PRKCB: variants seen among roughly 807,000 people sequenced by gnomAD.
PRKCB encodes protein kinase C beta.
PRKCB carries 13 observed loss-of-function variants against 81.5 expected under a neutral mutation model. That is an observed-to-expected ratio of 0.16 (90% CI 0.10 to 0.25). PRKCB has a LOEUF of 0.25. Ranked by LOEUF, PRKCB falls within the 10% of genes least tolerant of loss-of-function variation. The probability of loss-of-function intolerance (pLI) is 1.00; values close to 1 mark genes in which losing one functional copy is unlikely to be tolerated. For synonymous variants in PRKCB, 335 were observed against 321.4 expected, an observed-to-expected ratio of 1.04 and a Z score of -0.45; for missense variants, 509 against 875.7, an observed-to-expected ratio of 0.58 and a Z score of 5.29.
intron 3 of PRKCB, among the ~76,000 whole-genome samples, chr16:23,993,332 G>A (rs1436179814): frequency 2.0e-5 from 3 of 152,128 alleles, no homozygotes; most frequent in Non-Finnish European, 2.9e-5. Flanking sequence ...CCAGCTTAAG[G>A]AGTTAGGAAG....
intron 2 of PRKCB, among the ~76,000 whole-genome samples, chr16:23,921,611 A>G (rs12928050): frequency 0.96 from 146,818 of 152,156 alleles, 70,875 homozygotes; most frequent in East Asian, 1. Context: ...GATCAGCCTG[A>G]CCAACATGGC....
chr16:24,053,502 G>A (rs1965866524), intron 5 of PRKCB, among the ~76,000 whole-genome samples: 1 of 152,230 alleles, frequency 6.6e-6, no homozygotes, highest in Admixed American at 6.5e-5. Flanking sequence ...GACCTCTGTT[G>A]TAGTGTGGGA....
At chr16:23,849,337 G>GTGAA (rs1225080513) in intron 2 of PRKCB, among the ~76,000 whole-genome samples, 1 of 151,430 alleles carries the variant, frequency 6.6e-6, no homozygotes, top group Non-Finnish European at 1.5e-5. Context: ...AAGGTGGAGG[G>GTGAA]TGAAGTCTGA....
rs1416543761 is a variant in PRKCB at position 24,021,244 on chromosome 16, T to C, written c.289-10892T>C. Among the ~76,000 whole-genome samples, 19 of 116,718 alleles carry C rather than the reference T, an allele frequency of 1.6e-4. 4 individuals carry two copies. The highest frequency in any genetic ancestry group is 3.9e-4 in the South Asian group (1 of 2,580). 76.6% of individuals were successfully genotyped at this position (116,718 alleles called of 152,430 possible). On this transcript the variant is annotated intron_variant, in intron 3 of 16. Coordinates refer to ENST00000643927, the MANE Select transcript of PRKCB (RefSeq NM_002738.7). ...TTTCTTTCTTTCTTTCCTTCCTTCC[T>C]TCCTTCTTCCTTTCTTCCTTTCTTT...
chr16:23,904,009 G>C (rs1163742079), intron 2 of PRKCB, among the ~76,000 whole-genome samples: 1 of 152,152 alleles, frequency 6.6e-6, no homozygotes, highest in East Asian at 1.9e-4. Flanking sequence ...TGAATATGTG[G>C]TCTATTTCAA....
rs928044948 is a variant in PRKCB at position 24,000,989 on chromosome 16, G to T, written c.288+12399G>T. Among the ~76,000 whole-genome samples, 30 of 148,964 alleles carry T rather than the reference G, an allele frequency of 2.0e-4. 1 individual carries two copies. The highest frequency in any genetic ancestry group is 1.1e-3 in the Admixed American group (17 of 14,954). On this transcript the variant is annotated intron_variant, in intron 3 of 16. Coordinates refer to ENST00000643927, the MANE Select transcript of PRKCB (RefSeq NM_002738.7). ...GAGAAAATAATACCTAAATAAAGCG[G>T]TTTTTTTTTTTTTGGTAACTATTCA...
intron 2 of PRKCB, among the ~76,000 whole-genome samples, chr16:23,875,713 T>C (rs1962999560): frequency 7.4e-6 from 1 of 134,960 alleles, no homozygotes; most frequent in Non-Finnish European, 1.6e-5. Context: ...CACATATATA[T>C]GTATGTATAT....
chr16:23,915,689 CAAAAAAAAAA>C (rs71154259), intron 2 of PRKCB, among the ~76,000 whole-genome samples: 3 of 54,548 alleles, frequency 5.5e-5, no homozygotes, highest in Admixed American at 3.2e-4. Flanking sequence ...GACTCTCTAT[CAAAAAAAAAA>C]AAAAAAAAAA....
At chr16:24,039,267 C>G (rs898052830) in intron 5 of PRKCB, among the ~76,000 whole-genome samples, 1 of 152,098 alleles carries the variant, frequency 6.6e-6, no homozygotes, top group African/African-American at 2.4e-5. Flanking sequence ...CTTGCTCTGT[C>G]ACCCAGGCTG....
At chr16:23,944,665 C>T (rs928310326) in intron 2 of PRKCB, among the ~76,000 whole-genome samples, 12 of 152,190 alleles carry the variant, frequency 7.9e-5, no homozygotes, top group African/African-American at 2.7e-4. Flanking sequence ...CCAGGTCCCC[C>T]TCCTGCTGCC....
chr16:24,194,667 T>G (rs1281753868), intron 16 of PRKCB, among the ~76,000 whole-genome samples: 3 of 151,164 alleles, frequency 2.0e-5, no homozygotes, highest in Non-Finnish European at 4.4e-5. Context: ...AAGGTAGCTG[T>G]TATTATCATT....
At chr16:24,133,754 A>C (rs1275176034) in intron 9 of PRKCB, among the ~76,000 whole-genome samples, 1 of 152,152 alleles carries the variant, frequency 6.6e-6, no homozygotes, top group Non-Finnish European at 1.5e-5. Flanking sequence ...CTATTATATC[A>C]TATAGAAATT....
At chr16:23,942,233 G>A (rs1034786564) in intron 2 of PRKCB, among the ~76,000 whole-genome samples, 2 of 152,348 alleles carry the variant, frequency 1.3e-5, no homozygotes, top group Non-Finnish European at 2.9e-5. Flanking sequence ...AGAGGGAAGT[G>A]TAGGAAACTG....
At chr16:24,135,383 GAT>G (rs1445695684) in intron 9 of PRKCB, among the ~76,000 whole-genome samples, 1 of 149,630 alleles carries the variant, frequency 6.7e-6, no homozygotes, top group African/African-American at 2.5e-5. Flanking sequence ...GCAGTGGGGT[GAT>G]CTTGAGTCAC....
intron 2 of PRKCB, among the ~76,000 whole-genome samples, chr16:23,970,588 G>T (rs1296599939): frequency 6.6e-6 from 1 of 152,210 alleles, no homozygotes; most frequent in Non-Finnish European, 1.5e-5. Flanking sequence ...TATGACTTTG[G>T]AGTCAGGTAG....
intron 3 of PRKCB, among the ~76,000 whole-genome samples, chr16:23,996,437 C>T (rs1964957402): frequency 1.3e-5 from 2 of 152,308 alleles, no homozygotes; most frequent in East Asian, 3.9e-4. Context: ...CTCAATCTGC[C>T]AGCAGCAGAG....
chr16:24,146,823 C>T (rs1412296222), intron 9 of PRKCB, among the ~76,000 whole-genome samples: 1 of 152,156 alleles, frequency 6.6e-6, no homozygotes, highest in Admixed American at 6.5e-5. Context: ...AATCCTCACC[C>T]TGGAGAGAGA....
In PRKCB at chr16:23,836,254, C is replaced by A. The variant is rs75964872; in HGVS notation, c.79C>A (p.Arg27=). The change falls in exon 1 of 17, where the codon CGG becomes AGG. Residue 27 remains arginine, a synonymous_variant. Transcript: ENST00000643927. ...GCGCTTCGCCCGCAAAGGCGCCCTC[C>A]GGCAGAAGAACGTGCATGAGGTCAA... is the stretch of plus-strand genomic sequence containing the variant. The part of the protein sequence containing the change: ...TVRFARKGAL[R]QKNVHEVKNH... The A allele has an allele frequency of 0.2, 316,951 of 1,601,744 alleles. 34,620 individuals carry two copies. The highest frequency in any genetic ancestry group is 0.36 in the African/African-American group (26,363 of 72,314).
chr16:23,968,794 G>A (rs939262213), intron 2 of PRKCB, among the ~76,000 whole-genome samples: 2 of 152,164 alleles, frequency 1.3e-5, no homozygotes, highest in African/African-American at 4.8e-5. Flanking sequence ...AAGGTTATTG[G>A]GTGGCTCATG....
Sources: allele counts gnomAD v4.1 joint callset (sites outside exome capture counted in the v4.1 genomes callset), GRCh38; gene constraint gnomAD v4.1.1; transcripts MANE v1.5; gene names NCBI Gene and HGNC (gene_info 2026-07-23, HGNC 2026-07-21).